ATP10A: variants seen among roughly 807,000 people sequenced by gnomAD.
The protein encoded by ATP10A is ATPase phospholipid transporting 10A (putative), also known as phospholipid-transporting ATPase VA.
ATP10A carries 111 observed loss-of-function variants against 147.8 expected under a neutral mutation model. The observed-to-expected ratio is 0.75, with a 90% confidence interval of 0.64 to 0.88. ATP10A has a LOEUF of 0.88. Ranked by LOEUF, ATP10A falls within the 40% of genes least tolerant of loss-of-function variation. The probability of loss-of-function intolerance (pLI) is 0.00; values close to 1 mark genes in which losing one functional copy is unlikely to be tolerated. For synonymous variants in ATP10A, 875 were observed against 841.6 expected (o/e 1.04, Z -0.69); for missense variants, 1,927 against 1,959.0 (o/e 0.98, Z 0.31).
rs149836704 is a variant in ATP10A, at chr15:25,694,957, C to G, written c.2950G>C (p.Glu984Gln). Residue 984 changes from glutamate to glutamine, a missense_variant, in exon 14 of 21, where the codon GAG becomes CAG. Glu to Gln is a conservative substitution (Grantham distance 29). Transcript: ENST00000555815. ...AGGAATTTGTCCTCCAGGTTTTTCTCGAGAGCGTAGGCCAGGCTTCTCCCA... is the reference window on the plus strand; with the variant it reads ...AGGAATTTGTCCTCCAGGTTTTTCTGGAGAGCGTAGGCCAGGCTTCTCCCA... ...IDGRSLAYAL[E>Q]KNLEDKFLFL... The G allele has an allele frequency of 6.2e-7, 1 of 1,614,178 alleles. No individual in the cohort carries two copies. The highest frequency in any genetic ancestry group is 8.5e-7 in the Non-Finnish European group (1 of 1,180,040).
Position 25,679,837 on chromosome 15 carries a change from C to T in ATP10A, c.4004G>A (p.Gly1335Glu). ...TGTCCTCCCTGATGAGTGCTCGGTT[C>T]CCGAGTCCTTCGGGAGGCGTCCCTG... ...FAQGRLPKDS[G>E]TEHSSGRTVK... The change falls in exon 21 of 21, where the codon GGA (glycine) becomes GAA (glutamate). Residue 1335 changes from glycine to glutamate, a missense_variant. Gly to Glu is a moderately conservative substitution (Grantham distance 98, BLOSUM62 -2). Transcript: ENST00000555815. 1 of 1,611,528 alleles carries T rather than the reference C, an allele frequency of 6.2e-7. No homozygotes were observed. Among genetic ancestry groups the T allele is most frequent in the Non-Finnish European group, 8.5e-7 (1 of 1,179,950 alleles).
intron 1 of ATP10A, among the ~76,000 whole-genome samples, chr15:25,793,989 T>C (rs1028438665): frequency 2.0e-5 from 3 of 152,198 alleles, no homozygotes; most frequent in African/African-American, 7.2e-5. Context: ...AGCTACCTCA[T>C]TCAGGATGTG....
chr15:25,718,177 C>G lies in ATP10A; in HGVS notation c.1581+5G>C, dbSNP rs750810312. The G allele has an allele frequency of 1.2e-6, 2 of 1,612,128 alleles. No homozygotes were observed. The highest frequency in any genetic ancestry group is 4.5e-5 in the East Asian group (2 of 44,844). The stretch of plus-strand genomic sequence containing the variant: ...GCACCCTAGCAGGAGGCCCTGTACA[C>G]TCACCATGGGGCTGCTGAAGGCCGT... On this transcript the variant is annotated splice_donor_5th_base_variant and intron_variant, in intron 8 of 20. Transcript: ENST00000555815.
chr15:25,707,871 C>T, intron 12 of ATP10A, 105 bp downstream of exon 12: 1 of 1,490,466 alleles, frequency 6.7e-7, no homozygotes, highest in South Asian at 1.3e-5. Context: ...GCTCCCTAAC[C>T]AAGGCCAGCC....
chr15:25,800,496 C>A (rs1262485288), intron 1 of ATP10A, among the ~76,000 whole-genome samples: 1 of 152,184 alleles, frequency 6.6e-6, no homozygotes. Flanking sequence ...TGTGACCCAG[C>A]GGTTGCAGCT....
chr15:25,737,646 A>T (rs1168930454), intron 2 of ATP10A, among the ~76,000 whole-genome samples: 1 of 152,132 alleles, frequency 6.6e-6, no homozygotes. Context: ...AGGGATCTCT[A>T]GAGACTGGCA....
At chr15:25,712,702 G>C (rs1674647073) in intron 10 of ATP10A, among the ~76,000 whole-genome samples, 1 of 152,200 alleles carries the variant, frequency 6.6e-6, no homozygotes, top group African/African-American at 2.4e-5. Context: ...ACTGCAGTGG[G>C]AGAAAGGGAA....
intron 2 of ATP10A, among the ~76,000 whole-genome samples, chr15:25,764,260 A>G (rs1048808790): frequency 2.0e-5 from 3 of 152,214 alleles, no homozygotes; most frequent in Non-Finnish European, 4.4e-5. Context: ...CCTAAGGTGC[A>G]CCGTGCAGCG....
At position 25,721,665 on chromosome 15, in the gene ATP10A, T is replaced by C. The variant is rs147742976; in HGVS notation, c.1355A>G (p.Asp452Gly). The C allele has an allele frequency of 9.7e-5, 156 of 1,612,016 alleles. No homozygotes were observed. The highest frequency in any genetic ancestry group is 2.0e-5 in the Non-Finnish European group (23 of 1,178,462). ...CGCACCCCCAGACTCACCATTTGCA[T>C]CATGAGAATATTCTACACCAGACAC... ...CTVSGVEYSH[D>G]ANAQRLARYQ... The change falls in exon 7 of 21, where the codon GAT (aspartate) becomes GGT (glycine). Residue 452 changes from aspartate (D) to glycine (G), a missense_variant. Coordinates refer to ENST00000555815, the MANE Select transcript of ATP10A (RefSeq NM_024490.4).
chr15:25,711,689 C>T (rs1175677509), intron 10 of ATP10A, among the ~76,000 whole-genome samples: 1 of 152,174 alleles, frequency 6.6e-6, no homozygotes, highest in Non-Finnish European at 1.5e-5. Context: ...AGAGTTGAGA[C>T]AATGTCATTA....
At chr15:25,849,555 G>C (rs994576742) in intron 1 of ATP10A, among the ~76,000 whole-genome samples, 1 of 152,186 alleles carries the variant, frequency 6.6e-6, no homozygotes, top group Non-Finnish European at 1.5e-5. Flanking sequence ...AGTCTGGCCA[G>C]ACGCTTTACA....
In ATP10A at chr15:25,713,768, T is replaced by C. The variant is rs779089598; in HGVS notation, c.2250A>G (p.Ser750=). The C allele has an allele frequency of 1.3e-5, 21 of 1,614,020 alleles. No homozygotes were observed. Among genetic ancestry groups the C allele is most frequent in the Non-Finnish European group, 1.7e-5 (20 of 1,180,026 alleles). Residue 750 remains serine (S), a synonymous_variant, in exon 10 of 21, where the codon TCA becomes TCG. Transcript: ENST00000555815. ...LGFDSVRKRM[S]VVIRHPLTDE... ...CGGTAAGCGGGTGCCGGATCACCAC[T>C]GACATCCTCTTGCGGACGGAATCGA...
At chr15:25,839,857 C>G (rs1304770056) in intron 1 of ATP10A, among the ~76,000 whole-genome samples, 1 of 152,250 alleles carries the variant, frequency 6.6e-6, no homozygotes, top group South Asian at 2.1e-4. Context: ...AAATCAAAAC[C>G]GGGAAATTGG....
chr15:25,839,399 A>G (rs1370950205), intron 1 of ATP10A, among the ~76,000 whole-genome samples: 1 of 152,102 alleles, frequency 6.6e-6, no homozygotes, highest in East Asian at 1.9e-4. Context: ...GGTCTGGGGG[A>G]AAAAAAGCAA....
intron 10 of ATP10A, chr15:25,708,817 G>A (rs1901212495): frequency 6.4e-6 from 1 of 156,412 alleles, no homozygotes; most frequent in Admixed American, 6.2e-5. Context: ...AGCATTGCCA[G>A]ATACAACAAA....
At position 25,679,668 on chromosome 15, in the gene ATP10A, C is replaced by G. The variant is rs543352421; in HGVS notation, c.4173G>C (p.Pro1391=). Residue 1391 remains proline (P), a synonymous_variant, in exon 21 of 21, where the codon CCG becomes CCC. Transcript: ENST00000555815. ...CCCCTGGCGCAGAGGACATGGGGGC[C>G]GGTGCGCTCAGCCCCTCCAGCAGGG... ...EHTLLEGLSA[P]APMSSAPGEA... 1.1e-5 allele frequency: 17 copies of G among 1,613,196 alleles called. No homozygotes were observed. Among genetic ancestry groups the G allele is most frequent in the Admixed American group, 3.3e-5 (2 of 60,000 alleles).
chr15:25,714,335 G>A (rs1188257039), intron 9 of ATP10A, 94 bp from the exon 10 acceptor site: 2 of 1,188,922 alleles, frequency 1.7e-6, no homozygotes, highest in African/African-American at 3.1e-5. Flanking sequence ...GGCACTTGGA[G>A]GAACAATGAC....
chr15:25,711,319 A>G (rs1472617449), intron 10 of ATP10A, among the ~76,000 whole-genome samples: 1 of 152,106 alleles, frequency 6.6e-6, no homozygotes, highest in Non-Finnish European at 1.5e-5. Context: ...ACACACAGGT[A>G]GTAAGTTGAT....
In ATP10A at chr15:25,713,903, A is replaced by T; in HGVS notation, c.2115T>A (p.Tyr705Ter). ...AESPDEAALV[Y>*]AARAYNCVLV... ...GCACGCAGTTGTAGGCTCTGGCCGC[A>T]TACACCAGTGCGGCCTCATCCGGGC... The change falls in exon 10 of 21, where the codon TAT becomes TAA. Residue 705 changes from tyrosine to a stop codon, truncating the protein, a stop_gained. Transcript: ENST00000555815. LOFTEE classifies it high-confidence loss of function. 1 of 1,613,416 alleles carries T rather than the reference A, an allele frequency of 6.2e-7. No homozygotes were observed. Among genetic ancestry groups the T allele is most frequent in the Non-Finnish European group, 8.5e-7 (1 of 1,180,040 alleles).
Sources: gnomAD v4.1 joint callset for allele counts (sites outside exome capture counted in the v4.1 genomes callset) on GRCh38, gnomAD v4.1.1 for gene constraint, MANE v1.5 for transcripts, NCBI Gene and HGNC (gene_info 2026-07-23, HGNC 2026-07-21) for gene names.